Variants in PSPC1 observed in about 807,000 individuals in gnomAD.
The protein encoded by PSPC1 is paraspeckle component 1, also known as paraspeckle protein 1.
PSPC1 carries 14 observed loss-of-function variants against 51.6 expected under a neutral mutation model. That is an observed-to-expected ratio of 0.27 (90% CI 0.18 to 0.42). The LOEUF (loss-of-function observed/expected upper bound fraction) is 0.42. Ranked by LOEUF, PSPC1 falls within the 10% of genes least tolerant of loss-of-function variation. The pLI is 1.00. For missense variants in PSPC1, 406 were observed against 701.1 expected, an observed-to-expected ratio of 0.58 and a Z score of 4.75; for synonymous variants, 193 against 231.9, an observed-to-expected ratio of 0.83 and a Z score of 1.53.
chr13:19,709,730 C>G (rs2137772707), intron 6 of PSPC1, 131 bp from the exon 7 acceptor site: 1 of 768,704 alleles, frequency 1.3e-6, no homozygotes, highest in East Asian at 2.7e-5. Context: ...TTTCCATCAT[C>G]ATAAACTTAA....
chr13:19,716,481 T>C (rs1237928495), intron 6 of PSPC1, among the ~76,000 whole-genome samples: 1 of 152,212 alleles, frequency 6.6e-6, no homozygotes, highest in Non-Finnish European at 1.5e-5. Flanking sequence ...GCAATCTTAA[T>C]GGGCACAATC....
At chr13:19,738,664 T>C (rs372218118) in intron 5 of PSPC1, among the ~76,000 whole-genome samples, 11 of 152,212 alleles carry the variant, frequency 7.2e-5, no homozygotes, top group African/African-American at 2.6e-4. Flanking sequence ...TCCCAGCACT[T>C]TGGGAGGCTG....
chr13:19,678,346 A>G lies in PSPC1; in HGVS notation c.1159-523T>C, dbSNP rs149630922. 1.3e-3 allele frequency: 205 copies of G among 153,682 alleles called. 1 individual carries two copies. Among genetic ancestry groups the G allele is most frequent in the Non-Finnish European group, 2.4e-3 (168 of 69,030 alleles). 9.5% of individuals were successfully genotyped at this position (153,682 alleles called of 1,614,324 possible). A position where few individuals can be genotyped will look rare whatever the true frequency, so the allele number is the denominator to read the frequency against. ...TCTTACCCTAGTAAGACCTTGATCA[A>G]TGTTCTTCAAAGAGCACATACCCAA... On this transcript the variant is annotated intron_variant and NMD_transcript_variant, in intron 6 of 7. Transcript: ENST00000471658.
intron 8 of PSPC1, among the ~76,000 whole-genome samples, chr13:19,704,695 A>T (rs181880991): frequency 4.1e-4 from 63 of 152,346 alleles, no homozygotes; most frequent in Non-Finnish European, 8.2e-4. Flanking sequence ...TTTAATAGAA[A>T]TGATAAAAGG....
rs1880101905 is a variant in PSPC1 at position 19,702,888 on chromosome 13, T to A, written c.*287A>T. The A allele has an allele frequency of 4.7e-6, 1 of 211,972 alleles. No individual in the cohort carries two copies. Among genetic ancestry groups the A allele is most frequent in the Admixed American group, 5.3e-5 (1 of 18,936 alleles). 13.1% of individuals were successfully genotyped at this position (211,972 alleles called of 1,614,324 possible). ...ACAGTTTTAAATTATCCAAAATGATTTCTTTATTGAGATTAACTACATAGA... is the reference window on the plus strand; with the variant it reads ...ACAGTTTTAAATTATCCAAAATGATATCTTTATTGAGATTAACTACATAGA... On this transcript the variant is annotated 3_prime_UTR_variant, in exon 9 of 9. Transcript: ENST00000338910.
intron 6 of PSPC1, among the ~76,000 whole-genome samples, chr13:19,693,517 G>A (rs1341293330): frequency 6.6e-6 from 1 of 152,128 alleles, no homozygotes; most frequent in Non-Finnish European, 1.5e-5. Context: ...ATTACTAAAT[G>A]ACGGATATTC....
At chr13:19,730,946 G>GGA (rs1463819333) in intron 5 of PSPC1, among the ~76,000 whole-genome samples, 5 of 25,250 alleles carry the variant, frequency 2.0e-4, no homozygotes, top group Non-Finnish European at 5.1e-4. Flanking sequence ...CCCTGTCTCA[G>GGA]AAAAAAAAAA....
chr13:19,751,272 T>A lies in PSPC1; in HGVS notation c.966A>T (p.Gln322His). Reference sequence around the variant, plus strand: ...ATGTACATGAAAATCCATATTTACCTTGCCTCATTAGCATTAATTGGTGTT... The same window carrying A: ...ATGTACATGAAAATCCATATTTACCATGCCTCATTAGCATTAATTGGTGTT... ...RHEHQLMLMR[Q>H]DLMRRQEELR... is the part of the protein sequence containing the mutation. Residue 322 changes from glutamine to histidine, a missense_variant and splice_region_variant, in exon 4 of 9, where the codon CAA becomes CAT. Gln to His is a conservative substitution (Grantham distance 24, BLOSUM62 0). Transcript: ENST00000338910. 2.6e-6 allele frequency: 4 copies of A among 1,531,916 alleles called. No homozygotes were observed. Among genetic ancestry groups the A allele is most frequent in the Non-Finnish European group, 3.5e-6 (4 of 1,145,140 alleles). 94.9% of individuals were successfully genotyped at this position (1,531,916 alleles called of 1,614,324 possible). A position where few individuals can be genotyped will look rare whatever the true frequency, so the allele number is the denominator to read the frequency against.
At chr13:19,748,073 C>T (rs1406222433) in intron 4 of PSPC1, among the ~76,000 whole-genome samples, 2 of 152,028 alleles carry the variant, frequency 1.3e-5, no homozygotes, top group African/African-American at 4.8e-5. Context: ...ATTAGCTGGG[C>T]GTGGTGGTGT....
At chr13:19,760,054 A>C (rs1005486407) in intron 2 of PSPC1, among the ~76,000 whole-genome samples, 6 of 152,162 alleles carry the variant, frequency 3.9e-5, no homozygotes, top group Admixed American at 3.3e-4. Context: ...CATCACAGCC[A>C]CTGCTTCAGC....
chr13:19,730,965 C>CAAACAAA (rs1491536715), intron 5 of PSPC1, among the ~76,000 whole-genome samples: 1 of 37,304 alleles, frequency 2.7e-5, no homozygotes, highest in Non-Finnish European at 6.2e-5. Flanking sequence ...AACAAAAAAA[C>CAAACAAA]AAAAAAAAAA....
intron 5 of PSPC1, among the ~76,000 whole-genome samples, chr13:19,734,960 A>G (rs755507153): frequency 6.6e-6 from 1 of 151,490 alleles, no homozygotes; most frequent in Non-Finnish European, 1.5e-5. Flanking sequence ...CCTGAGCGAC[A>G]GAGCGAGACT....
downstream of PSPC1, chr13:19,674,711 G>C (rs1249780725): frequency 6.6e-6 from 1 of 152,244 alleles, no homozygotes; most frequent in Non-Finnish European, 1.5e-5. Flanking sequence ...AGGAGACATA[G>C]AGCAGACTAT....
At position 19,741,101 on chromosome 13, in the gene PSPC1, T is replaced by G. The variant is rs181024314; in HGVS notation, c.1052+464A>C. Among the ~76,000 whole-genome samples, 553 of 152,244 alleles carry G rather than the reference T, an allele frequency of 3.6e-3. 4 individuals are homozygous for G. Among genetic ancestry groups the G allele is most frequent in the Non-Finnish European group, 5.3e-3 (358 of 68,012 alleles). On this transcript the variant is annotated intron_variant, in intron 5 of 8. Coordinates refer to ENST00000338910, the MANE Select transcript of PSPC1 (RefSeq NM_001354909.2). ...GTTGGCCAAGCTGGTCTCGAACTCC[T>G]GACCTCATGTGATCTGCCCACCTCA... is the stretch of plus-strand genomic sequence containing the variant.
chr13:19,673,131 C>CTTG (rs1876248481), downstream of PSPC1: 1 of 450,742 alleles, frequency 2.2e-6, no homozygotes, highest in African/African-American at 2.0e-5. Context: ...ACCTTGTGCC[C>CTTG]TTGTTTTGAA....
intron 6 of PSPC1, among the ~76,000 whole-genome samples, chr13:19,721,400 T>C (rs117347731): frequency 6.6e-6 from 1 of 152,284 alleles, no homozygotes; most frequent in East Asian, 1.9e-4. Context: ...AAAAAAGAGT[T>C]AACATTAGCT....
intron 5 of PSPC1, among the ~76,000 whole-genome samples, chr13:19,739,766 G>T (rs1228990855): frequency 6.7e-6 from 1 of 149,958 alleles, no homozygotes; most frequent in African/African-American, 2.5e-5. Flanking sequence ...TAAAAAAAAA[G>T]TAGAAGAGAT....
At chr13:19,682,915 T>A (rs1481428413) in intron 6 of PSPC1, among the ~76,000 whole-genome samples, 3 of 149,350 alleles carry the variant, frequency 2.0e-5, no homozygotes, top group Non-Finnish European at 3.0e-5. Context: ...AAAAAAAAAA[T>A]AAATTAGCCA....
chr13:19,745,372 G>A (rs934480763), intron 4 of PSPC1, among the ~76,000 whole-genome samples: 3 of 151,982 alleles, frequency 2.0e-5, no homozygotes, highest in Admixed American at 1.3e-4. Flanking sequence ...AAAATTACAT[G>A]AAATTATATG....
Sources: gnomAD v4.1 joint callset for allele counts (sites outside exome capture counted in the v4.1 genomes callset) on GRCh38, gnomAD v4.1.1 for gene constraint, MANE v1.5 for transcripts, NCBI Gene and HGNC (gene_info 2026-07-23, HGNC 2026-07-21) for gene names.